RBFOX1: variants seen among roughly 807,000 people sequenced by gnomAD.
The protein encoded by RBFOX1 is RNA binding protein fox-1 homolog 1.
RBFOX1 carries 8 observed loss-of-function variants against 57.7 expected under a neutral mutation model. The observed-to-expected ratio is 0.14, with a 90% CI of 0.08 to 0.25. RBFOX1 has a LOEUF of 0.25. RBFOX1 is among the 10% of genes least tolerant of loss of function. The probability of loss-of-function intolerance (pLI) is 1.00; values close to 1 mark genes in which losing one functional copy is unlikely to be tolerated. For missense variants in RBFOX1, 611 were observed against 548.5 expected (o/e 1.11, Z -1.14); for synonymous variants, 326 against 222.4 (o/e 1.47, Z -4.15).
intron 1 of RBFOX1, among the ~76,000 whole-genome samples, chr16:6,022,666 A>G (rs564909237): frequency 1.3e-5 from 2 of 152,346 alleles, no homozygotes; most frequent in African/African-American, 4.8e-5. Flanking sequence ...CTGGGTGACC[A>G]GAATGAGACC....
At chr16:7,531,898 T>C (rs12596082) in intron 5 of RBFOX1, among the ~76,000 whole-genome samples, 6,218 of 152,126 alleles carry the variant, frequency 0.041, 190 homozygotes, top group East Asian at 0.13. Context: ...TTCCCATCCC[T>C]AACCCATCCC....
intron 2 of RBFOX1, among the ~76,000 whole-genome samples, chr16:6,517,008 C>T (rs1598691651): frequency 6.6e-6 from 1 of 152,158 alleles, no homozygotes; most frequent in African/African-American, 2.4e-5. Flanking sequence ...GCATAAATTC[C>T]TACTAGTGTA....
chr16:7,548,332 G>C (rs1206527073), intron 5 of RBFOX1, among the ~76,000 whole-genome samples: 1 of 152,018 alleles, frequency 6.6e-6, no homozygotes, highest in Non-Finnish European at 1.5e-5. Context: ...AATTTTTGTA[G>C]TTTTAGTAGA....
intron 1 of RBFOX1, among the ~76,000 whole-genome samples, chr16:5,310,733 G>T (rs1305241905): frequency 6.6e-6 from 1 of 152,152 alleles, no homozygotes; most frequent in African/African-American, 2.4e-5. Context: ...TTCTTGTTGT[G>T]CTGTCATCCA....
At chr16:6,319,394 A>G (rs1457814383) in intron 2 of RBFOX1, among the ~76,000 whole-genome samples, 1 of 152,172 alleles carries the variant, frequency 6.6e-6, no homozygotes, top group Non-Finnish European at 1.5e-5. Flanking sequence ...TGATATCCAC[A>G]GCATTTACTG....
chr16:6,317,436 A>G (rs1308999975), intron 2 of RBFOX1, among the ~76,000 whole-genome samples: 1 of 152,134 alleles, frequency 6.6e-6, no homozygotes, highest in African/African-American at 2.4e-5. Flanking sequence ...AAGAAATGCC[A>G]GCAAACACAG....
chr16:6,123,123 C>T (rs1250146483), intron 1 of RBFOX1, among the ~76,000 whole-genome samples: 2 of 152,086 alleles, frequency 1.3e-5, no homozygotes, highest in African/African-American at 2.4e-5. Flanking sequence ...CCTAAAATTG[C>T]CTTATGATGC....
intron 1 of RBFOX1, among the ~76,000 whole-genome samples, chr16:5,377,873 C>G (rs1322480563): frequency 6.6e-6 from 1 of 151,650 alleles, no homozygotes; most frequent in East Asian, 1.9e-4. Context: ...ATCACAGGGT[C>G]AACATGTGCT....
chr16:5,932,889 A>G (rs1042868325), intron 4 of RBFOX1, among the ~76,000 whole-genome samples: 2 of 152,096 alleles, frequency 1.3e-5, no homozygotes, highest in Admixed American at 6.5e-5. Context: ...TTGCCAAGCC[A>G]TTTGGTCCAT....
At chr16:6,866,645 C>T (rs545451295) in intron 3 of RBFOX1, among the ~76,000 whole-genome samples, 2 of 149,656 alleles carry the variant, frequency 1.3e-5, no homozygotes, top group African/African-American at 4.9e-5. Flanking sequence ...CGGTTCACGC[C>T]ATTCTCCTGC....
chr16:7,031,736 T>C (rs2042854089), intron 3 of RBFOX1, among the ~76,000 whole-genome samples: 2 of 152,164 alleles, frequency 1.3e-5, no homozygotes, highest in South Asian at 4.1e-4. Context: ...AATACTATAC[T>C]CTGTGCCCTC....
chr16:7,195,501 G>C (rs2086475112), intron 4 of RBFOX1, among the ~76,000 whole-genome samples: 1 of 152,152 alleles, frequency 6.6e-6, no homozygotes, highest in Non-Finnish European at 1.5e-5. Context: ...AGATTTGAAA[G>C]ACTGTTTGAG....
intron 3 of RBFOX1, among the ~76,000 whole-genome samples, chr16:6,842,492 C>A (rs1030769014): frequency 6.6e-6 from 1 of 152,068 alleles, no homozygotes; most frequent in Admixed American, 6.6e-5. Context: ...TTAGAAAAAC[C>A]AAATTGAATC....
intron 3 of RBFOX1, among the ~76,000 whole-genome samples, chr16:6,826,394 G>C (rs1318996752): frequency 6.6e-6 from 1 of 152,156 alleles, no homozygotes; most frequent in East Asian, 1.9e-4. Flanking sequence ...CTGGTACATA[G>C]TAAATACTCC....
At chr16:6,712,589 C>G (rs2063918321) in intron 3 of RBFOX1, among the ~76,000 whole-genome samples, 1 of 152,138 alleles carries the variant, frequency 6.6e-6, no homozygotes, top group Non-Finnish European at 1.5e-5. Flanking sequence ...TCATCCATGG[C>G]AAGATAATAT....
exon 3 of RBFOX1, chr16:5,598,925 C>T (rs1596388208): frequency 2.0e-6 from 3 of 1,527,726 alleles, no homozygotes; most frequent in African/African-American, 2.8e-5. Context: ...AAAATTCAAC[C>T]CTCCTCCCCG....
At chr16:6,166,948 T>A (rs2096922300) in intron 1 of RBFOX1, among the ~76,000 whole-genome samples, 1 of 151,420 alleles carries the variant, frequency 6.6e-6, no homozygotes, top group African/African-American at 2.4e-5. Flanking sequence ...TAATTTTTTT[T>A]ATTTTTAATA....
intron 4 of RBFOX1, among the ~76,000 whole-genome samples, chr16:7,464,026 C>T (rs1382673009): frequency 6.6e-6 from 1 of 152,194 alleles, no homozygotes; most frequent in African/African-American, 2.4e-5. Context: ...GGTCTGACTC[C>T]AAAGCCTTGG....
At chr16:7,298,179 C>A (rs901271590) in intron 4 of RBFOX1, among the ~76,000 whole-genome samples, 7 of 152,020 alleles carry the variant, frequency 4.6e-5, no homozygotes, top group African/African-American at 1.7e-4. Context: ...TTTATTTATC[C>A]CCTGTTTCCC....
Sources: allele counts gnomAD v4.1 joint callset (sites outside exome capture counted in the v4.1 genomes callset), GRCh38; gene constraint gnomAD v4.1.1; transcripts MANE v1.5; gene names NCBI Gene and HGNC (gene_info 2026-07-23, HGNC 2026-07-21).